CRIM1: variants seen among roughly 807,000 people sequenced by gnomAD.
CRIM1 encodes cysteine rich transmembrane BMP regulator 1.
In CRIM1, 32 loss-of-function variants were observed where a neutral mutation model predicts 116.4. The observed-to-expected ratio is 0.27, with a 90% confidence interval of 0.21 to 0.37. The LOEUF is 0.37. CRIM1 is among the 10% of genes least tolerant of loss of function. CRIM1 has a pLI of 1.00. For synonymous variants in CRIM1, 590 were observed against 509.2 expected, an observed-to-expected ratio of 1.16 and a Z score of -2.13; for missense variants, 1,331 against 1,354.8, an observed-to-expected ratio of 0.98 and a Z score of 0.28.
chr2:36,389,254 C>T (rs535009014), intron 1 of CRIM1, among the ~76,000 whole-genome samples: 1 of 152,326 alleles, frequency 6.6e-6, no homozygotes, highest in African/African-American at 2.4e-5. Flanking sequence ...AGGCCTTAAG[C>T]TTGAAGCAGA....
chr2:36,396,533 A>T, intron 1 of CRIM1, 81 bp from the exon 2 acceptor site: 1 of 824,394 alleles, frequency 1.2e-6, no homozygotes, highest in Non-Finnish European at 1.9e-6. Flanking sequence ...TAATCTTGAC[A>T]TCCCAGTGCG....
At chr2:36,369,944 G>A (rs938028358) in intron 1 of CRIM1, among the ~76,000 whole-genome samples, 1 of 152,192 alleles carries the variant, frequency 6.6e-6, no homozygotes, top group African/African-American at 2.4e-5. Context: ...AGAATACCGT[G>A]CATTGTATTA....
intron 12 of CRIM1, among the ~76,000 whole-genome samples, chr2:36,518,216 G>GTAGTTATA (rs1249380521): frequency 6.6e-6 from 1 of 152,052 alleles, no homozygotes; most frequent in Non-Finnish European, 1.5e-5. Context: ...TATAACTTTA[G>GTAGTTATA]TAGTACTTTT....
At chr2:36,415,341 C>T (rs920577446) in intron 2 of CRIM1, among the ~76,000 whole-genome samples, 1 of 152,124 alleles carries the variant, frequency 6.6e-6, no homozygotes, top group African/African-American at 2.4e-5. Context: ...GAAATCAAGT[C>T]ATTAGAGTGT....
chr2:36,403,368 C>T (rs1025842518), intron 2 of CRIM1, among the ~76,000 whole-genome samples: 2 of 152,108 alleles, frequency 1.3e-5, no homozygotes, highest in Non-Finnish European at 1.5e-5. Context: ...AAAAAATAGA[C>T]AATCAAAAAT....
At chr2:36,517,568 G>A (rs767937658) in intron 12 of CRIM1, 26 bp downstream of exon 12, 4 of 1,595,242 alleles carry the variant, frequency 2.5e-6, no homozygotes, top group Non-Finnish European at 3.4e-6. Context: ...CCTTGTGGGT[G>A]CTTGGTGGGG....
intron 2 of CRIM1, among the ~76,000 whole-genome samples, chr2:36,403,314 G>A (rs1672554595): frequency 6.6e-6 from 1 of 152,170 alleles, no homozygotes; most frequent in Admixed American, 6.6e-5. Flanking sequence ...ACGTTGAATG[G>A]TTTATGATTT....
chr2:36,540,518 G>A, intron 14 of CRIM1, among the ~76,000 whole-genome samples: 1 of 146,338 alleles, frequency 6.8e-6, no homozygotes, highest in East Asian at 1.9e-4. Context: ...GTCAAGGCCG[G>A]TGCCTCTAAG....
chr2:36,514,002 G>A (rs981140376), intron 11 of CRIM1, among the ~76,000 whole-genome samples: 2 of 152,184 alleles, frequency 1.3e-5, no homozygotes, highest in African/African-American at 4.8e-5. Flanking sequence ...TTGAATGATT[G>A]ACTCAGTTAT....
chr2:36,365,736 GTTTT>G (rs756853852), intron 1 of CRIM1, among the ~76,000 whole-genome samples: 3 of 137,622 alleles, frequency 2.2e-5, no homozygotes, highest in Admixed American at 7.2e-5. Flanking sequence ...CTATGTTTGT[GTTTT>G]TTTTTTTTTT....
At chr2:36,427,193 T>C (rs1026144641) in intron 2 of CRIM1, among the ~76,000 whole-genome samples, 3 of 148,676 alleles carry the variant, frequency 2.0e-5, no homozygotes, top group African/African-American at 5.0e-5. Flanking sequence ...AGAGTGAAAC[T>C]CTGTCTCAAA....
intron 4 of CRIM1, among the ~76,000 whole-genome samples, chr2:36,457,206 A>G (rs1295191344): frequency 6.6e-6 from 1 of 152,108 alleles, no homozygotes; most frequent in Non-Finnish European, 1.5e-5. Flanking sequence ...TGGTTACATA[A>G]GTTCTTTAGC....
At chr2:36,445,313 A>G (rs1310943208) in intron 4 of CRIM1, among the ~76,000 whole-genome samples, 3 of 152,056 alleles carry the variant, frequency 2.0e-5, no homozygotes, top group African/African-American at 7.3e-5. Flanking sequence ...GAAACCCTCC[A>G]TTCCAAGCAC....
chr2:36,412,281 C>A (rs3770909), intron 2 of CRIM1, among the ~76,000 whole-genome samples: 1 of 136,444 alleles, frequency 7.3e-6, no homozygotes, highest in Non-Finnish European at 1.6e-5. Flanking sequence ...CAAATGGGGG[C>A]GCAGGGGGTG....
At chr2:36,445,446 A>T (rs1011531328) in intron 4 of CRIM1, among the ~76,000 whole-genome samples, 2 of 152,148 alleles carry the variant, frequency 1.3e-5, no homozygotes, top group Non-Finnish European at 2.9e-5. Context: ...GCTTCAACCA[A>T]CAGGTCCCAC....
chr2:36,496,317 AG>A (rs1230843607), intron 7 of CRIM1, among the ~76,000 whole-genome samples: 3 of 152,188 alleles, frequency 2.0e-5, no homozygotes, highest in Non-Finnish European at 2.9e-5. Flanking sequence ...TAATCTATTG[AG>A]GGGAAATTGA....
In CRIM1 at chr2:36,442,675, C is replaced by T. The variant is rs772702503; in HGVS notation, c.809C>T (p.Pro270Leu). 41 of 1,613,996 alleles carry T rather than the reference C, an allele frequency of 2.5e-5. No individual in the cohort carries two copies. Among genetic ancestry groups the T allele is most frequent in the Admixed American group, 3.3e-5 (2 of 60,002 alleles). ...CCTGTTCAGCAGACCGCGTGTCCCC[C>T]GGACAGCTATGAAACTCAAGTCAGA... is the stretch of plus-strand genomic sequence containing the variant. ...CPPVQQTACPPDSYETQVRLT... is the reference protein window; with the variant it reads ...CPPVQQTACPLDSYETQVRLT... Residue 270 changes from proline to leucine, a missense_variant, in exon 4 of 17, where the codon CCG becomes CTG. By Grantham distance (98) the Pro-to-Leu change is moderately conservative. Transcript: ENST00000280527.
chr2:36,365,816 C>T (rs531676974), intron 1 of CRIM1, among the ~76,000 whole-genome samples: 1 of 150,900 alleles, frequency 6.6e-6, no homozygotes, highest in Non-Finnish European at 1.5e-5. Flanking sequence ...TCACTGCAAC[C>T]TCTGACTCCC....
chr2:36,495,459 CTT>C (rs1553323379), intron 7 of CRIM1, among the ~76,000 whole-genome samples: 1 of 140,972 alleles, frequency 7.1e-6, no homozygotes, highest in Non-Finnish European at 1.5e-5. Flanking sequence ...CCTCAAGCCT[CTT>C]TATTTATTTA....
Sources: gnomAD v4.1 joint callset for allele counts (sites outside exome capture counted in the v4.1 genomes callset) on GRCh38, gnomAD v4.1.1 for gene constraint, MANE v1.5 for transcripts, NCBI Gene and HGNC (gene_info 2026-07-23, HGNC 2026-07-21) for gene names.